The following CACNA1C variants were observed in gnomAD, a reference collection of about 807,000 sequenced individuals.
The protein encoded by CACNA1C is calcium voltage-gated channel subunit alpha1 C.
Under a neutral mutation model 229.0 loss-of-function variants are expected in CACNA1C, and 30 were observed. The observed-to-expected ratio is 0.13, with a 90% CI of 0.10 to 0.18. The LOEUF (loss-of-function observed/expected upper bound fraction) is 0.18, where lower values mean the gene tolerates loss of function less well. Ranked by LOEUF, CACNA1C falls within the 10% of genes least tolerant of loss-of-function variation. The pLI is 1.00. For synonymous variants in CACNA1C, 1,114 were observed against 1,132.5 expected (o/e 0.98, Z 0.33); for missense variants, 1,658 against 2,845.0 (o/e 0.58, Z 9.49).
chr12:2,377,853 G>A (rs1007032444), intron 3 of CACNA1C, among the ~76,000 whole-genome samples: 4 of 152,192 alleles, frequency 2.6e-5, no homozygotes, highest in Non-Finnish European at 5.9e-5. Context: ...GAACACACGA[G>A]GCCTCCCTGT....
chr12:2,569,412 A>G (rs559344448), intron 13 of CACNA1C, among the ~76,000 whole-genome samples: 1 of 152,320 alleles, frequency 6.6e-6, no homozygotes, highest in East Asian at 1.9e-4. Flanking sequence ...CTAGTTGTAG[A>G]ACATTTTCAT....
At chr12:2,489,947 C>CT in intron 6 of CACNA1C, among the ~76,000 whole-genome samples, 1 of 152,370 alleles carries the variant, frequency 6.6e-6, no homozygotes, top group South Asian at 2.1e-4. Flanking sequence ...CAAAAGAAAA[C>CT]TAACACATTT....
chr12:2,306,506 A>G (rs1337728961), intron 3 of CACNA1C, among the ~76,000 whole-genome samples: 2 of 152,226 alleles, frequency 1.3e-5, no homozygotes, highest in Non-Finnish European at 2.9e-5. Flanking sequence ...TTTATCCTGT[A>G]GAATAGAAAA....
rs886696637 is a variant in CACNA1C, at chr12:2,285,797, C to T, written c.478-163179C>T. On this transcript the variant is annotated intron_variant, in intron 3 of 46. Transcript: ENST00000399655. This position sits in a 1 kb window ranked among gnomAD's most constrained non-coding sequence, Gnocchi z 4.2. ...CGCACCTACCCAGCGGCTTTTTGGG[C>T]GGCAGTGGAAGGGAGTGTTTTATTA... Among the ~76,000 whole-genome samples, 2 of 152,106 alleles carry T rather than the reference C, an allele frequency of 1.3e-5. No homozygotes were observed. The highest frequency in any genetic ancestry group is 2.4e-5 in the African/African-American group (1 of 41,398).
chr12:2,002,511 T>C (rs1206561978), intron 1 of CACNA1C, among the ~76,000 whole-genome samples: 1 of 152,208 alleles, frequency 6.6e-6, no homozygotes, highest in Non-Finnish European at 1.5e-5. Flanking sequence ...TTGTGACACA[T>C]CTGCTTTTTG....
At chr12:2,594,420 C>T (rs929307037) in intron 19 of CACNA1C, among the ~76,000 whole-genome samples, 3 of 152,200 alleles carry the variant, frequency 2.0e-5, no homozygotes, top group African/African-American at 7.2e-5. Context: ...GAAATTTCTT[C>T]AACTGTATCT....
At chr12:2,199,593 G>A (rs1309045876) in intron 3 of CACNA1C, among the ~76,000 whole-genome samples, 1 of 152,184 alleles carries the variant, frequency 6.6e-6, no homozygotes, top group South Asian at 2.1e-4. Flanking sequence ...AGTCTCTGGG[G>A]AGTAAGAAGT....
Position 2,486,318 on chromosome 12 carries a change from C to A in CACNA1C, c.916+56C>A. 1 of 1,466,216 alleles carries A rather than the reference C, an allele frequency of 6.8e-7. No individual in the cohort carries two copies. Among genetic ancestry groups the A allele is most frequent in the Non-Finnish European group, 9.4e-7 (1 of 1,066,730 alleles). The allele number at this position is 1,466,216 out of a possible 1,614,324, so 90.8% of individuals were successfully genotyped here. A position where few individuals can be genotyped will look rare whatever the true frequency, so the allele number is the denominator to read the frequency against. On this transcript the variant is annotated intron_variant, in intron 6 of 46. Coordinates refer to ENST00000399655, the MANE Select transcript of CACNA1C (RefSeq NM_000719.7). The surrounding 1 kb of genome is among the most constrained non-coding windows in gnomAD (Gnocchi z 4.9). ...GCCCTGCCCTCTATCGCTCCCAGCACCTTTCCCGCTGCTGGCTACACCAAC... is the reference window on the plus strand; with the variant it reads ...GCCCTGCCCTCTATCGCTCCCAGCAACTTTCCCGCTGCTGGCTACACCAAC...
chr12:2,002,221 G>A (rs950531244), intron 1 of CACNA1C, among the ~76,000 whole-genome samples: 34 of 152,064 alleles, frequency 2.2e-4, no homozygotes, highest in Admixed American at 1.6e-3. Context: ...CTGCCTTCTT[G>A]TAAATACTTT....
intron 1 of CACNA1C, among the ~76,000 whole-genome samples, chr12:2,061,153 G>A (rs1017130375): frequency 3.4e-5 from 5 of 147,656 alleles, no homozygotes; most frequent in African/African-American, 1.3e-4. Context: ...TGTCTGTAAA[G>A]TGGAGATAAT....
At chr12:2,642,533 C>T (rs539147686) in intron 30 of CACNA1C, among the ~76,000 whole-genome samples, 271 of 152,312 alleles carry the variant, frequency 1.8e-3, no homozygotes, top group Non-Finnish European at 3.2e-3. Flanking sequence ...CTCAAAGATA[C>T]GTAGGGTGCC....
intron 3 of CACNA1C, among the ~76,000 whole-genome samples, chr12:2,135,877 C>A (rs368483644): frequency 1.4e-5 from 2 of 141,926 alleles, no homozygotes; most frequent in African/African-American, 5.9e-5. Context: ...TAATCAAGCC[C>A]GGGCAATGGC....
chr12:2,014,829 G>A (rs1016224627), intron 1 of CACNA1C, among the ~76,000 whole-genome samples: 1 of 152,176 alleles, frequency 6.6e-6, no homozygotes, highest in African/African-American at 2.4e-5. Flanking sequence ...ACTTGTCTGG[G>A]TAGTGCCATA....
At chr12:2,430,745 C>T (rs2099074968) in intron 3 of CACNA1C, among the ~76,000 whole-genome samples, 1 of 152,120 alleles carries the variant, frequency 6.6e-6, no homozygotes, top group South Asian at 2.1e-4. Context: ...TGGAGGTCTC[C>T]TTCCCCCAGG....
chr12:2,366,027 T>TA lies in CACNA1C; in HGVS notation c.478-82947dup, dbSNP rs544403374. ...CCTCCTCCAGAGACAATGAATCAAT[T>TA]AATTTTTAATGTTCCAAGTGATTGA... On this transcript the variant is annotated intron_variant, in intron 3 of 46. Transcript: ENST00000399655. Among the ~76,000 whole-genome samples, 34 of 152,340 alleles carry TA rather than the reference T, an allele frequency of 2.2e-4. No individual in the cohort carries two copies. In the South Asian group the frequency reaches 6.6e-3, roughly 30 times the overall value.
intron 5 of CACNA1C, among the ~76,000 whole-genome samples, chr12:2,471,199 G>A (rs2099590106): frequency 6.6e-6 from 1 of 152,128 alleles, no homozygotes; most frequent in African/African-American, 2.4e-5. Flanking sequence ...CATATTTTAA[G>A]TGTACACTTA....
At chr12:2,209,518 G>C (rs1228287783) in intron 3 of CACNA1C, among the ~76,000 whole-genome samples, 2 of 152,100 alleles carry the variant, frequency 1.3e-5, no homozygotes, top group African/African-American at 2.4e-5. Flanking sequence ...TCATAAGGTG[G>C]TTCACTGACT....
chr12:2,472,586 A>G (rs1216805908), intron 5 of CACNA1C, among the ~76,000 whole-genome samples: 4 of 151,572 alleles, frequency 2.6e-5, no homozygotes, highest in Non-Finnish European at 5.9e-5. Context: ...ATGGATACAT[A>G]TGTAGCACTC....
In CACNA1C at chr12:2,444,240, T is replaced by C. The variant is rs143671179; in HGVS notation, c.478-4736T>C. Among the ~76,000 whole-genome samples, 603 of 152,322 alleles carry C rather than the reference T, an allele frequency of 4.0e-3. 1 individual carries two copies. The highest frequency in any genetic ancestry group is 7.3e-3 in the Non-Finnish European group (495 of 68,018). On this transcript the variant is annotated intron_variant, in intron 3 of 46. Coordinates refer to ENST00000399655, the MANE Select transcript of CACNA1C (RefSeq NM_000719.7). Reference sequence around the variant, plus strand: ...TGGCTTGAAGGTCAGAAAGTCTGGTTTCCTGTCCTCTGTGCATTTCTCCCT... The same window carrying C: ...TGGCTTGAAGGTCAGAAAGTCTGGTCTCCTGTCCTCTGTGCATTTCTCCCT...
Sources: allele counts gnomAD v4.1 joint callset (sites outside exome capture counted in the v4.1 genomes callset), GRCh38; gene constraint gnomAD v4.1.1; non-coding constraint Gnocchi (gnomAD v3.1); transcripts MANE v1.5; gene names NCBI Gene and HGNC (gene_info 2026-07-23, HGNC 2026-07-21).